The following NBAS variants were observed in gnomAD, a reference collection of about 807,000 sequenced individuals.
NBAS encodes NAG/BC035112 fusion.
A neutral mutation model predicts 302.5 loss-of-function variants in NBAS; 219 were observed. The observed-to-expected ratio is 0.72, with a 90% CI of 0.65 to 0.81. The LOEUF is 0.81. Ranked by LOEUF, NBAS falls within the 30% of genes least tolerant of loss-of-function variation. The pLI is 0.00. For missense variants in NBAS, 2,932 were observed against 2,841.6 expected, an observed-to-expected ratio of 1.03 and a Z score of -0.72; for synonymous variants, 1,118 against 1,021.6, an observed-to-expected ratio of 1.09 and a Z score of -1.80.
At chr2:15,176,834 T>A (rs6721516) in intron 51 of NBAS, among the ~76,000 whole-genome samples, 10,404 of 152,200 alleles carry the variant, frequency 0.068, 409 homozygotes, top group East Asian at 0.14. Context: ...GGGAACTGGG[T>A]GAAGAATGTG....
chr2:15,244,344 G>A (rs1361111507), intron 44 of NBAS, among the ~76,000 whole-genome samples: 1 of 152,132 alleles, frequency 6.6e-6, no homozygotes, highest in African/African-American at 2.4e-5. Context: ...GGCCCAGGAA[G>A]GAAGTGGGGA....
the NBAS span, among the ~76,000 whole-genome samples, chr2:14,956,080 C>T: frequency 2.6e-5 from 4 of 152,174 alleles, no homozygotes; most frequent in Non-Finnish European, 5.9e-5. Context: ...ACCAGATGCA[C>T]TAAATCATCT....
chr2:15,033,278 C>T, the NBAS span, among the ~76,000 whole-genome samples: 1 of 152,206 alleles, frequency 6.6e-6, no homozygotes, highest in Admixed American at 6.5e-5. Context: ...TATGCCTGTT[C>T]CACCACTGTA....
At chr2:15,291,209 C>T (rs963226350) in intron 41 of NBAS, among the ~76,000 whole-genome samples, 4 of 152,208 alleles carry the variant, frequency 2.6e-5, no homozygotes, top group Non-Finnish European at 4.4e-5. Flanking sequence ...AGATGTGAGG[C>T]TTTGGATGGA....
At chr2:15,078,494 T>C in the NBAS span, among the ~76,000 whole-genome samples, 4 of 152,238 alleles carry the variant, frequency 2.6e-5, no homozygotes, top group South Asian at 2.1e-4. Context: ...AGAGAGAAGG[T>C]GAGAAAGGAA....
intron 40 of NBAS, among the ~76,000 whole-genome samples, chr2:15,297,255 A>G (rs781283588): frequency 6.6e-6 from 1 of 152,230 alleles, no homozygotes; most frequent in East Asian, 1.9e-4. Flanking sequence ...CCTAAGAACC[A>G]TCCTTTTATA....
At chr2:15,032,068 T>C in the NBAS span, among the ~76,000 whole-genome samples, 1 of 152,202 alleles carries the variant, frequency 6.6e-6, no homozygotes, top group East Asian at 1.9e-4. Flanking sequence ...TCGAGTTGTT[T>C]CCTGACCACA....
At chr2:15,404,282 T>C (rs77075527) in intron 25 of NBAS, among the ~76,000 whole-genome samples, 3,082 of 152,200 alleles carry the variant, frequency 0.02, 71 homozygotes, top group East Asian at 0.06. Flanking sequence ...CAGGCTCTCA[T>C]AATCCTGCAT....
At chr2:14,962,172 T>C in the NBAS span, among the ~76,000 whole-genome samples, 1 of 152,152 alleles carries the variant, frequency 6.6e-6, no homozygotes. Context: ...ACAGCGTCCG[T>C]CCTGAGCTCC....
At chr2:15,430,785 T>G (rs1677725952) in intron 21 of NBAS, among the ~76,000 whole-genome samples, 1 of 152,038 alleles carries the variant, frequency 6.6e-6, no homozygotes, top group Non-Finnish European at 1.5e-5. Context: ...CAGTCAGATT[T>G]GTACACAGCA....
intron 40 of NBAS, among the ~76,000 whole-genome samples, chr2:15,297,460 T>A (rs992615000): frequency 2.0e-5 from 3 of 152,190 alleles, no homozygotes; most frequent in Admixed American, 6.5e-5. Context: ...GGGGGCAGAC[T>A]TCCCCCCTTG....
chr2:15,041,981 G>T, the NBAS span, among the ~76,000 whole-genome samples: 1 of 152,210 alleles, frequency 6.6e-6, no homozygotes, highest in Non-Finnish European at 1.5e-5. Flanking sequence ...AGTGAAGTGA[G>T]AAATGAAGGT....
chr2:15,135,227 T>G, the NBAS span, among the ~76,000 whole-genome samples: 1 of 152,152 alleles, frequency 6.6e-6, no homozygotes, highest in African/African-American at 2.4e-5. Flanking sequence ...CAAGGTGGCC[T>G]GGGGGGAGGC....
At chr2:15,008,552 C>T in the NBAS span, among the ~76,000 whole-genome samples, 13 of 152,220 alleles carry the variant, frequency 8.5e-5, no homozygotes, top group African/African-American at 2.9e-4. Context: ...ATCTAATTGA[C>T]ATAAATGGTG....
At chr2:14,962,773 C>G in the NBAS span, among the ~76,000 whole-genome samples, 1 of 152,208 alleles carries the variant, frequency 6.6e-6, no homozygotes, top group South Asian at 2.1e-4. Flanking sequence ...CCCTACTTTT[C>G]ACTGATGTCA....
chr2:15,129,624 T>A, the NBAS span, among the ~76,000 whole-genome samples: 1 of 152,174 alleles, frequency 6.6e-6, no homozygotes, highest in Non-Finnish European at 1.5e-5. Flanking sequence ...CGGGGCCCAA[T>A]TCAAGCCCTT....
chr2:15,328,303 A>G lies in NBAS; in HGVS notation c.4357T>C (p.Cys1453Arg), dbSNP rs564956939. The G allele has an allele frequency of 6.2e-7, 1 of 1,613,560 alleles. No homozygotes were observed. Among genetic ancestry groups the G allele is most frequent in the Non-Finnish European group, 8.5e-7 (1 of 1,179,774 alleles). Reference protein sequence around the residue: ...TYLRPLQGQKCGGAYQIGTTA... With the variant: ...TYLRPLQGQKRGGAYQIGTTA... ...GTTCCGATTTGATATGCACCACCAC[A>G]TTTTTGCCCCTAAAAAGAAAAAAAG... The change falls in exon 37 of 52, where the codon TGT (cysteine) becomes CGT (arginine). Residue 1453 changes from cysteine to arginine, a missense_variant. Transcript: ENST00000281513.
In NBAS at chr2:15,338,668, CACACAT is replaced by C. The variant is rs1167878752; in HGVS notation, c.4180-7909_4180-7904del. On this transcript the variant is annotated intron_variant, in intron 35 of 51. Coordinates refer to ENST00000281513, the MANE Select transcript of NBAS (RefSeq NM_015909.4). ...ATGTGCACTCACATGAATACAAACA[CACACAT>C]ACACACACACACACACACACACACA... Among the ~76,000 whole-genome samples, 35 of 129,750 alleles carry C rather than the reference CACACAT, an allele frequency of 2.7e-4. No individual in the cohort carries two copies. In the South Asian group the frequency reaches 7.6e-3, roughly 28 times the overall value. The allele number at this position is 129,750 out of a possible 152,430, so 85.1% of individuals were successfully genotyped here.
rs112854241 is a variant in NBAS at position 15,396,386 on chromosome 2, A to C, written c.3134+27T>G. ...ACAAATTCCCTTAATAAGCATGGAG[A>C]AAAAAAAAAACTGTCATTTTTCTCA... On this transcript the variant is annotated intron_variant, in intron 27 of 51. Coordinates refer to ENST00000281513, the MANE Select transcript of NBAS (RefSeq NM_015909.4). The C allele has an allele frequency of 2.9e-5, 39 of 1,344,370 alleles. No individual in the cohort carries two copies. In the African/African-American group the frequency reaches 3.6e-4, roughly 12 times the overall value. 83.3% of individuals were successfully genotyped at this position (1,344,370 alleles called of 1,614,324 possible).
Sources: gnomAD v4.1 joint callset for allele counts (sites outside exome capture counted in the v4.1 genomes callset) on GRCh38, gnomAD v4.1.1 for gene constraint, MANE v1.5 for transcripts, NCBI Gene and HGNC (gene_info 2026-07-23, HGNC 2026-07-21) for gene names.